Variants in FOXP1 observed in about 807,000 individuals in gnomAD.
The protein encoded by FOXP1 is forkhead box protein P1.
FOXP1 carries 15 observed loss-of-function variants against 98.2 expected under a neutral mutation model. The ratio of observed to expected loss-of-function variants is 0.15; its 90% confidence interval spans 0.10 to 0.24. The LOEUF (loss-of-function observed/expected upper bound fraction) is 0.24. FOXP1 is among the 10% of genes least tolerant of loss of function. The pLI, the probability that FOXP1 is intolerant of heterozygous loss-of-function variation, is 1.00. For missense variants in FOXP1, 633 were observed against 848.5 expected (o/e 0.75, Z 3.15); for synonymous variants, 371 against 314.5 (o/e 1.18, Z -1.90).
intron 2 of FOXP1, among the ~76,000 whole-genome samples, chr3:71,545,094 A>G (rs2045249263): frequency 7.2e-6 from 1 of 138,416 alleles, no homozygotes; most frequent in Non-Finnish European, 1.6e-5. Context: ...GTGGTAAAAC[A>G]ATTTTTTTTT....
intron 20 of FOXP1, among the ~76,000 whole-genome samples, chr3:70,963,653 T>G (rs2034086474): frequency 6.6e-6 from 1 of 152,204 alleles, no homozygotes; most frequent in Admixed American, 6.5e-5. Context: ...GTTTAGCCAC[T>G]CTGGGAACAC....
At chr3:71,542,946 C>T (rs894972161) in intron 2 of FOXP1, among the ~76,000 whole-genome samples, 4 of 152,268 alleles carry the variant, frequency 2.6e-5, no homozygotes, top group South Asian at 4.1e-4. Flanking sequence ...CTCCGAGCCT[C>T]GGTATAACTG....
chr3:71,542,103 C>T (rs978587298), intron 2 of FOXP1: 1 of 495,180 alleles, frequency 2.0e-6, no homozygotes, highest in Non-Finnish European at 4.1e-6. Flanking sequence ...GAGGTTTAAG[C>T]AGAAATGCAG....
intron 6 of FOXP1, among the ~76,000 whole-genome samples, chr3:71,123,188 A>G (rs2058909424): frequency 6.6e-6 from 1 of 152,050 alleles, no homozygotes; most frequent in Non-Finnish European, 1.5e-5. Flanking sequence ...CCACAATCCA[A>G]TTCCTTCAAG....
intron 7 of FOXP1, among the ~76,000 whole-genome samples, chr3:71,066,702 GTT>G (rs1369181011): frequency 1.3e-5 from 2 of 152,180 alleles, no homozygotes; most frequent in Non-Finnish European, 1.5e-5. Context: ...TTAAAATTGA[GTT>G]TTAATGTTTA....
chr3:71,165,190 T>A (rs1458505183), intron 6 of FOXP1, among the ~76,000 whole-genome samples: 1 of 148,244 alleles, frequency 6.7e-6, no homozygotes, highest in Non-Finnish European at 1.5e-5. Flanking sequence ...GAAAAGAAGA[T>A]GATTTTATAA....
intron 5 of FOXP1, among the ~76,000 whole-genome samples, chr3:71,199,749 GA>G (rs763308219): frequency 3.0e-4 from 44 of 147,720 alleles, no homozygotes; most frequent in African/African-American, 6.0e-4. Context: ...CAAAACAAAA[GA>G]AAAAAAAATA....
intron 3 of FOXP1, among the ~76,000 whole-genome samples, chr3:71,397,588 A>G (rs2081623814): frequency 6.6e-6 from 1 of 152,270 alleles, no homozygotes; most frequent in African/African-American, 2.4e-5. Flanking sequence ...TTTTACAAAT[A>G]GACATATAAT....
At chr3:71,522,384 A>G (rs1446945355) in intron 2 of FOXP1, among the ~76,000 whole-genome samples, 1 of 152,212 alleles carries the variant, frequency 6.6e-6, no homozygotes, top group Non-Finnish European at 1.5e-5. Flanking sequence ...GTTTTCCAAG[A>G]GAAGATAGGA....
rs979283663 is a variant in FOXP1, at chr3:71,127,896, C to T, written c.181-15259G>A. ...AACCCAACTGCCTTTTGGAGAGAGG[C>T]GGAAAGGCCACTGCTTCCATCCTTG... is the stretch of plus-strand genomic sequence containing the variant. On this transcript the variant is annotated intron_variant, in intron 6 of 20. Transcript: ENST00000649528. Among the ~76,000 whole-genome samples, 8 of 152,234 alleles carry T rather than the reference C, an allele frequency of 5.3e-5. No individual in the cohort carries two copies. In the East Asian group the frequency reaches 5.8e-4, roughly 11 times the overall value.
intron 5 of FOXP1, among the ~76,000 whole-genome samples, chr3:71,208,967 C>T (rs563648286): frequency 2.2e-4 from 34 of 152,230 alleles, no homozygotes; most frequent in Non-Finnish European, 2.9e-5. Flanking sequence ...GAGACCAAGC[C>T]TGCTTGTTTG....
In FOXP1 at chr3:71,406,403, G is replaced by GTATATATATATATATATA. The variant is rs112681983; in HGVS notation, c.-167-47160_-167-47159insTATATATATATATATATA. 6.7e-3 allele frequency among the ~76,000 whole-genome samples: 723 copies of GTATATATATATATATATA among 107,792 alleles called. 54 individuals carry two copies. Among genetic ancestry groups the GTATATATATATATATATA allele is most frequent in the Non-Finnish European group, 0.012 (573 of 46,038 alleles). 70.7% of individuals were successfully genotyped at this position (107,792 alleles called of 152,430 possible). ...TTTAATTGACACATAATAACTGTAT[G>GTATATATATATATATATA]TGTATATATATATATATATATGGTA... is the stretch of plus-strand genomic sequence containing the variant. On this transcript the variant is annotated intron_variant, in intron 3 of 20. Transcript: ENST00000649528.
chr3:71,375,835 T>C (rs1268279164), intron 3 of FOXP1, among the ~76,000 whole-genome samples: 2 of 152,232 alleles, frequency 1.3e-5, no homozygotes, highest in African/African-American at 2.4e-5. Flanking sequence ...TTGGTAAAAG[T>C]CGCTTTACAG....
intron 2 of FOXP1, among the ~76,000 whole-genome samples, chr3:71,538,564 T>C (rs541226924): frequency 1.3e-5 from 2 of 152,382 alleles, no homozygotes; most frequent in Non-Finnish European, 2.9e-5. Context: ...CACCAGTTGA[T>C]AGACATCTGA....
At chr3:71,297,637 A>ATT in intron 5 of FOXP1, among the ~76,000 whole-genome samples, 1 of 135,596 alleles carries the variant, frequency 7.4e-6, no homozygotes, top group Non-Finnish European at 1.6e-5. Flanking sequence ...TTTTTTTCAG[A>ATT]CAGAGTCTCC....
intron 3 of FOXP1, among the ~76,000 whole-genome samples, chr3:71,475,449 G>A (rs927616033): frequency 2.0e-5 from 3 of 152,160 alleles, no homozygotes; most frequent in Non-Finnish European, 4.4e-5. Flanking sequence ...GAAAGGAAGG[G>A]TCTGGAGGCA....
chr3:71,227,280 C>T (rs191948714), intron 5 of FOXP1, among the ~76,000 whole-genome samples: 35 of 152,228 alleles, frequency 2.3e-4, no homozygotes, highest in African/African-American at 8.2e-4. Flanking sequence ...ATAGCGTTTA[C>T]GTGAAGACCA....
chr3:71,346,607 C>CT (rs1487123379), intron 4 of FOXP1, among the ~76,000 whole-genome samples: 1 of 152,112 alleles, frequency 6.6e-6, no homozygotes, highest in African/African-American at 2.4e-5. Context: ...CTAATGTTGC[C>CT]TTTATGGCTT....
intron 10 of FOXP1, among the ~76,000 whole-genome samples, chr3:71,044,102 T>A (rs186655715): frequency 6.6e-5 from 10 of 152,330 alleles, no homozygotes; most frequent in Admixed American, 6.5e-4. Context: ...AAACTGTTAG[T>A]TCAATGAGCG....
Sources: gnomAD v4.1 joint callset for allele counts (sites outside exome capture counted in the v4.1 genomes callset) on GRCh38, gnomAD v4.1.1 for gene constraint, MANE v1.5 for transcripts, NCBI Gene and HGNC (gene_info 2026-07-23, HGNC 2026-07-21) for gene names.